ZDHHC2: variants seen among roughly 807,000 people sequenced by gnomAD.
ZDHHC2 encodes palmitoyltransferase ZDHHC2.
ZDHHC2 carries 51 observed loss-of-function variants against 55.6 expected under a neutral mutation model. That is an observed-to-expected ratio of 0.92 (90% confidence interval 0.73 to 1.16). The LOEUF is 1.16. Ranked by LOEUF, ZDHHC2 falls within the 50% of genes most tolerant of loss-of-function variation. The pLI, the probability that ZDHHC2 is intolerant of heterozygous loss-of-function variation, is 0.00. For synonymous variants in ZDHHC2, 199 were observed against 152.9 expected (o/e 1.30, Z -2.22); for missense variants, 491 against 442.4 (o/e 1.11, Z -0.99).
intron 10 of ZDHHC2, 46 bp downstream of exon 10, chr8:17,210,526 A>G: frequency 6.6e-7 from 1 of 1,505,008 alleles, no homozygotes; most frequent in Non-Finnish European, 9.0e-7. Context: ...AAGATATTTT[A>G]CCATATTGTG....
At chr8:17,174,738 T>G (rs766537803) in intron 1 of ZDHHC2, among the ~76,000 whole-genome samples, 3 of 146,134 alleles carry the variant, frequency 2.1e-5, no homozygotes, top group Admixed American at 7.0e-5. Context: ...TGAGACATAG[T>G]CTGGCTTTGT....
chr8:17,179,440 A>G (rs1488255800), intron 1 of ZDHHC2, among the ~76,000 whole-genome samples: 3 of 151,870 alleles, frequency 2.0e-5, no homozygotes, highest in Non-Finnish European at 4.4e-5. Context: ...ACAGGGTCTC[A>G]CTCTATCGCA....
At chr8:17,210,957 C>G (rs904401335) in intron 10 of ZDHHC2, among the ~76,000 whole-genome samples, 12 of 152,016 alleles carry the variant, frequency 7.9e-5, no homozygotes, top group Admixed American at 1.3e-4. Context: ...ACTTAGTGCC[C>G]TTGGAAGACC....
chr8:17,157,061 G>A (rs1048664028), intron 1 of ZDHHC2, among the ~76,000 whole-genome samples: 2 of 151,968 alleles, frequency 1.3e-5, no homozygotes, highest in Non-Finnish European at 2.9e-5. Flanking sequence ...CAACTCTCGG[G>A]TTAAGGTGGC....
Position 17,157,647 on chromosome 8 carries a change from C to G in ZDHHC2, c.130+794C>G, listed in dbSNP as rs539117869. The G allele has an allele frequency of 2.0e-5, 3 of 152,230 alleles. No individual in the cohort carries two copies. In the South Asian group the frequency reaches 6.2e-4, roughly 32 times the overall value. The allele number at this position is 152,230 out of a possible 1,614,324, so 9.4% of individuals were successfully genotyped here. ...GATTATTATGCACAAGTAGGGAGTACAATGATGTCGCTTAATGTAAGCTGG... is the reference window on the plus strand; with the variant it reads ...GATTATTATGCACAAGTAGGGAGTAGAATGATGTCGCTTAATGTAAGCTGG... On this transcript the variant is annotated intron_variant, in intron 1 of 12. Transcript: ENST00000262096.
chr8:17,171,111 T>C (rs1350414406), intron 1 of ZDHHC2, among the ~76,000 whole-genome samples: 1 of 152,116 alleles, frequency 6.6e-6, no homozygotes, highest in Non-Finnish European at 1.5e-5. Context: ...CTGTGGTCTT[T>C]CCTCAAGAAG....
intron 3 of ZDHHC2, among the ~76,000 whole-genome samples, chr8:17,191,192 C>T (rs1026594521): frequency 1.3e-5 from 2 of 151,886 alleles, no homozygotes; most frequent in African/African-American, 2.4e-5. Flanking sequence ...AAACTCCTGA[C>T]CTCGTGATCC....
chr8:17,176,817 A>G (rs1805156192), intron 1 of ZDHHC2, among the ~76,000 whole-genome samples: 1 of 152,126 alleles, frequency 6.6e-6, no homozygotes, highest in Non-Finnish European at 1.5e-5. Flanking sequence ...AGGACAACAA[A>G]GAAAAAAAAA....
chr8:17,156,993 C>A, intron 1 of ZDHHC2, 140 bp downstream of exon 1: 7 of 777,684 alleles, frequency 9.0e-6, no homozygotes, highest in Non-Finnish European at 1.3e-5. Context: ...CCGGCTCCGC[C>A]GCTAAAAGCA....
rs746923975 is a variant in ZDHHC2, at chr8:17,205,663, A to T, written c.485A>T (p.Asn162Ile). The change falls in exon 7 of 13, where the codon AAT (asparagine) becomes ATT (isoleucine). Residue 162 changes from asparagine (N) to isoleucine (I), a missense_variant. Asn to Ile is a moderately radical substitution (Grantham distance 149, BLOSUM62 -3). Transcript: ENST00000262096. ...TTTTGTTTTGTTAACAGGGTGAACA[A>T]TTGTGTTGGATTTTCAAATTATAAG... ...KMDHHCPWVN[N>I]CVGFSNYKFF... 1 of 1,601,474 alleles carries T rather than the reference A, an allele frequency of 6.2e-7. No individual in the cohort carries two copies. The highest frequency in any genetic ancestry group is 2.3e-5 in the East Asian group (1 of 44,342).
chr8:17,161,906 A>G (rs546106748), intron 1 of ZDHHC2, among the ~76,000 whole-genome samples: 116 of 152,346 alleles, frequency 7.6e-4, no homozygotes, highest in African/African-American at 2.6e-3. Context: ...TGTTGGCAAT[A>G]TGATTCAAAA....
chr8:17,181,840 C>A lies in ZDHHC2; in HGVS notation c.131-2949C>A, dbSNP rs574996988. 7.2e-5 allele frequency among the ~76,000 whole-genome samples: 11 copies of A among 152,116 alleles called. No homozygotes were observed. The South Asian group carries it at 2.3e-3, about 32-fold the overall frequency. ...ATTTTTCATATGTTATCTTTATATA[C>A]ATAAATATTAGAAAAGTGTTTGAGG... is the stretch of plus-strand genomic sequence containing the variant. On this transcript the variant is annotated intron_variant, in intron 1 of 12. Coordinates refer to ENST00000262096, the MANE Select transcript of ZDHHC2 (RefSeq NM_016353.5).
intron 1 of ZDHHC2, among the ~76,000 whole-genome samples, chr8:17,167,574 G>C (rs1016610913): frequency 6.6e-6 from 1 of 151,932 alleles, no homozygotes; most frequent in Non-Finnish European, 1.5e-5. Context: ...GGGATTATAG[G>C]CGTGAGCCAC....
chr8:17,224,673 TCTC>T lies in ZDHHC2; in HGVS notation c.*4455_*4457del, dbSNP rs1003732683. The T allele has an allele frequency of 3.5e-4, 53 of 151,776 alleles. No homozygotes were observed. Among genetic ancestry groups the T allele is most frequent in the African/African-American group, 1.2e-3 (51 of 41,408 alleles). The allele number at this position is 151,776 out of a possible 1,614,324, so 9.4% of individuals were successfully genotyped here. A position where few individuals can be genotyped will look rare whatever the true frequency, so the allele number is the denominator to read the frequency against. On this transcript the variant is annotated 3_prime_UTR_variant, in exon 13 of 13. Coordinates refer to ENST00000262096, the MANE Select transcript of ZDHHC2 (RefSeq NM_016353.5). ...AAAAGATACTACAGAATGCGTCAGT[TCTC>T]CTGTTGTATTTTTCTCAGTTATGAG...
At chr8:17,217,109 A>G (rs1198528970) in intron 11 of ZDHHC2, 63 bp from the exon 12 acceptor site, 5 of 1,524,668 alleles carry the variant, frequency 3.3e-6, no homozygotes, top group Non-Finnish European at 4.5e-6. Flanking sequence ...ATAGATGAAT[A>G]AGAAGTTTCT....
chr8:17,159,869 A>G (rs138729754), intron 1 of ZDHHC2, among the ~76,000 whole-genome samples: 3 of 149,692 alleles, frequency 2.0e-5, no homozygotes, highest in African/African-American at 7.4e-5. Flanking sequence ...TTCTCTTACC[A>G]CTCCTTTTCC....
At chr8:17,217,282 AAC>A (rs1807695506) in intron 12 of ZDHHC2, 36 bp downstream of exon 12, 2 of 1,447,266 alleles carry the variant, frequency 1.4e-6, no homozygotes, top group Non-Finnish European at 1.9e-6. Context: ...TTATATTTTT[AAC>A]AGTCTTCTAA....
chr8:17,161,877 A>G (rs1804360702), intron 1 of ZDHHC2, among the ~76,000 whole-genome samples: 1 of 152,176 alleles, frequency 6.6e-6, no homozygotes, highest in African/African-American at 2.4e-5. Context: ...ATAAAAAATA[A>G]AAAAAAGAAA....
intron 3 of ZDHHC2, among the ~76,000 whole-genome samples, chr8:17,189,974 A>G (rs1805933864): frequency 6.6e-6 from 1 of 152,184 alleles, no homozygotes; most frequent in Non-Finnish European, 1.5e-5. Context: ...TCAACCCTTA[A>G]GGACACTTTC....
Sources: allele counts gnomAD v4.1 joint callset (sites outside exome capture counted in the v4.1 genomes callset), GRCh38; gene constraint gnomAD v4.1.1; transcripts MANE v1.5; gene names NCBI Gene and HGNC (gene_info 2026-07-23, HGNC 2026-07-21).